TECTA: variants seen among roughly 807,000 people sequenced by gnomAD.
TECTA encodes tectorin alpha, also known as alpha-tectorin.
Under a neutral mutation model 216.8 loss-of-function variants are expected in TECTA, and 128 were observed. That is an observed-to-expected ratio of 0.59 (90% confidence interval 0.51 to 0.68). The LOEUF is 0.68. Ranked by LOEUF, TECTA falls within the 30% of genes least tolerant of loss-of-function variation. TECTA has a pLI of 0.00. For synonymous variants in TECTA, 1,089 were observed against 1,117.1 expected, an observed-to-expected ratio of 0.97 and a Z score of 0.50; for missense variants, 2,551 against 2,786.2, an observed-to-expected ratio of 0.92 and a Z score of 1.90.
intron 8 of TECTA, among the ~76,000 whole-genome samples, chr11:121,126,364 A>G (rs1037652103): frequency 6.6e-6 from 1 of 152,238 alleles, no homozygotes; most frequent in Non-Finnish European, 1.5e-5. Context: ...TGAGGAGTAC[A>G]GCATATGAGT....
chr11:121,181,551 C>G (rs1251473859), intron 20 of TECTA, among the ~76,000 whole-genome samples: 1 of 152,054 alleles, frequency 6.6e-6, no homozygotes, highest in African/African-American at 2.4e-5. Context: ...TTCACCACAA[C>G]CTCTGCCTCC....
intron 11 of TECTA, among the ~76,000 whole-genome samples, chr11:121,139,072 C>T (rs77468790): frequency 0.012 from 1,898 of 152,326 alleles, 45 homozygotes; most frequent in African/African-American, 0.042. Flanking sequence ...AAGAGAGATT[C>T]CCAAGCCTCT....
chr11:121,160,532 C>G, intron 15 of TECTA, 111 bp downstream of exon 15: 1 of 1,445,522 alleles, frequency 6.9e-7, no homozygotes, highest in Non-Finnish European at 9.6e-7. Context: ...TGCTCTCCTA[C>G]AGAGACGAGC....
chr11:121,120,229 A>G (rs1946544119), intron 7 of TECTA, among the ~76,000 whole-genome samples: 1 of 151,968 alleles, frequency 6.6e-6, no homozygotes, highest in South Asian at 2.1e-4. Flanking sequence ...ATTTTGCGTG[A>G]CTCTGTTCCA....
rs968763980 is a variant in TECTA at position 121,137,391 on chromosome 11, C to T, written c.2942-30C>T. The T allele has an allele frequency of 5.0e-6, 8 of 1,613,596 alleles. No individual in the cohort carries two copies. The African/African-American group carries it at 1.1e-4, about 22-fold the overall frequency. On this transcript the variant is annotated intron_variant, in intron 10 of 23. Coordinates refer to ENST00000392793, the MANE Select transcript of TECTA (RefSeq NM_005422.4). The stretch of plus-strand genomic sequence containing the variant: ...CTGTCTCTGACTTTTGTCCTTTTCT[C>T]AAACCCGTCTTCTCCTTGACCACCT...
rs1408773314 is a variant in TECTA, at chr11:121,137,474, A to G, written c.2995A>G (p.Thr999Ala). 1 of 1,613,696 alleles carries G rather than the reference A, an allele frequency of 6.2e-7. No individual in the cohort carries two copies. Among genetic ancestry groups the G allele is most frequent in the Non-Finnish European group, 8.5e-7 (1 of 1,179,946 alleles). Reference protein sequence around the residue: ...HFEECITCTETCETLTLGPIC... With the variant: ...HFEECITCTEACETLTLGPIC... The stretch of plus-strand genomic sequence containing the variant: ...TGAGGAGTGCATCACATGTACAGAG[A>G]CCTGTGAGACCCTTACCCTGGGCCC... Residue 999 changes from threonine to alanine, a missense_variant, in exon 11 of 24, where the codon ACC (threonine) becomes GCC (alanine). Thr to Ala is a moderately conservative substitution (Grantham distance 58). Coordinates refer to ENST00000392793, the MANE Select transcript of TECTA (RefSeq NM_005422.4).
intron 11 of TECTA, among the ~76,000 whole-genome samples, chr11:121,138,874 A>G (rs1364306521): frequency 1.3e-5 from 2 of 152,200 alleles, no homozygotes; most frequent in Non-Finnish European, 2.9e-5. Flanking sequence ...CCTTCTTGAC[A>G]TTATTATCAC....
intron 11 of TECTA, among the ~76,000 whole-genome samples, chr11:121,142,963 C>T (rs1290298755): frequency 6.6e-6 from 1 of 152,174 alleles, no homozygotes; most frequent in Non-Finnish European, 1.5e-5. Context: ...CCCCCAATTC[C>T]CTACTAGCTT....
At chr11:121,177,781 G>A (rs1947183410) in intron 20 of TECTA, among the ~76,000 whole-genome samples, 1 of 152,256 alleles carries the variant, frequency 6.6e-6, no homozygotes, top group Non-Finnish European at 1.5e-5. Context: ...GCCCCCAGAG[G>A]TGGAGCCTAC....
chr11:121,151,694 T>C (rs558172415), intron 12 of TECTA, among the ~76,000 whole-genome samples: 1 of 110,902 alleles, frequency 9.0e-6, no homozygotes, highest in South Asian at 2.8e-4. Context: ...ACTACAAATG[T>C]TTTTTAAAAA....
At chr11:121,158,303 G>T in intron 14 of TECTA, 79 bp downstream of exon 14, 2 of 1,572,348 alleles carry the variant, frequency 1.3e-6, no homozygotes, top group Non-Finnish European at 1.7e-6. Flanking sequence ...GGTTCTCCCA[G>T]ATAGCCAAGT....
intron 6 of TECTA, among the ~76,000 whole-genome samples, chr11:121,116,037 A>T (rs1163879986): frequency 6.6e-6 from 1 of 152,158 alleles, no homozygotes; most frequent in African/African-American, 2.4e-5. Flanking sequence ...CTGTGCTGTG[A>T]TTAGTGCCTT....
At chr11:121,157,763 A>G in intron 13 of TECTA, 78 bp from the exon 14 acceptor site, 1 of 1,607,164 alleles carries the variant, frequency 6.2e-7, no homozygotes, top group Non-Finnish European at 8.5e-7. Context: ...GCCTGATAAA[A>G]GACGAGGGGG....
intron 7 of TECTA, 25 bp downstream of exon 7, chr11:121,118,743 G>A (rs1250948854): frequency 2.5e-5 from 41 of 1,612,290 alleles, no homozygotes; most frequent in Non-Finnish European, 3.5e-5. Context: ...ATCCTTCACG[G>A]GGAAATGGAG....
intron 11 of TECTA, among the ~76,000 whole-genome samples, chr11:121,140,645 G>A (rs1329710540): frequency 3.3e-5 from 5 of 152,120 alleles, no homozygotes; most frequent in African/African-American, 1.2e-4. Flanking sequence ...TGAGGTCCTC[G>A]GGAAGCACCA....
intron 1 of TECTA, among the ~76,000 whole-genome samples, 158 bp from the exon 2 acceptor site, chr11:121,102,507 C>T (rs1477409119): frequency 6.6e-6 from 1 of 152,168 alleles, no homozygotes; most frequent in Admixed American, 6.5e-5. Context: ...TGCCAGCATT[C>T]AGGGGATTTC....
Position 121,146,272 on chromosome 11 carries a change from C to A in TECTA, c.4105+156C>A, listed in dbSNP as rs531025818. 1.7e-5 allele frequency: 15 copies of A among 860,706 alleles called. No individual in the cohort carries two copies. In the African/African-American group the frequency reaches 2.2e-4, roughly 13 times the overall value. The allele number at this position is 860,706 out of a possible 1,614,324, so 53.3% of individuals were successfully genotyped here. On this transcript the variant is annotated intron_variant, in intron 12 of 23. Coordinates refer to ENST00000392793, the MANE Select transcript of TECTA (RefSeq NM_005422.4). ...AGTTTGTTATCTGAATGAAGCATGA[C>A]ATGTAACCTCTTGGAGCCTCCATGT...
intron 12 of TECTA, 62 bp from the exon 13 acceptor site, chr11:121,152,819 T>C: frequency 5.9e-6 from 9 of 1,524,038 alleles, no homozygotes; most frequent in Non-Finnish European, 8.1e-6. Flanking sequence ...GCAATGGCCA[T>C]GAGAAAACCC....
Position 121,128,027 on chromosome 11 carries a change from T to A in TECTA, c.2050T>A (p.Tyr684Asn). 6.2e-7 allele frequency: 1 copy of A among 1,613,450 alleles called. No homozygotes were observed. The highest frequency in any genetic ancestry group is 8.5e-7 in the Non-Finnish European group (1 of 1,179,816). ...CCTGTGCGAGGAGGGCGGGGACGTC[T>A]ACTGCTTCAACAAGACCTGCGGCAG... is the stretch of plus-strand genomic sequence containing the variant. ...QCLCEEGGDV[Y>N]CFNKTCGSGE... is the part of the protein sequence containing the mutation. The change falls in exon 9 of 24, where the codon TAC becomes AAC. Residue 684 changes from tyrosine to asparagine, a missense_variant. By Grantham distance (143) the Tyr-to-Asn change is moderately radical (BLOSUM62 -2). Coordinates refer to ENST00000392793, the MANE Select transcript of TECTA (RefSeq NM_005422.4).
Sources: allele counts gnomAD v4.1 joint callset (sites outside exome capture counted in the v4.1 genomes callset), GRCh38; gene constraint gnomAD v4.1.1; transcripts MANE v1.5; gene names NCBI Gene and HGNC (gene_info 2026-07-23, HGNC 2026-07-21).